Variants in PDE11A observed in about 807,000 individuals in gnomAD.
PDE11A encodes the protein phosphodiesterase 11A.
Under a neutral mutation model 100.5 loss-of-function variants are expected in PDE11A, and 100 were observed. The ratio of observed to expected loss-of-function variants is 1.00; its 90% CI spans 0.85 to 1.18. The LOEUF is 1.18. PDE11A is among the 50% of genes most tolerant of loss of function. The pLI is 0.00. For synonymous variants in PDE11A, 381 were observed against 420.8 expected, an observed-to-expected ratio of 0.91 and a Z score of 1.16; for missense variants, 1,141 against 1,152.6, an observed-to-expected ratio of 0.99 and a Z score of 0.15.
intron 6 of PDE11A, among the ~76,000 whole-genome samples, chr2:177,831,759 T>A (rs2083312068): frequency 1.3e-5 from 2 of 152,222 alleles, no homozygotes; most frequent in African/African-American, 2.4e-5. Flanking sequence ...GGGCTTAATA[T>A]GAACAAAAAC....
intron 5 of PDE11A, among the ~76,000 whole-genome samples, chr2:177,875,196 C>T (rs1260218734): frequency 6.6e-6 from 1 of 151,812 alleles, no homozygotes; most frequent in African/African-American, 2.4e-5. Flanking sequence ...TTCACTCTAG[C>T]CTGGGTGACA....
chr2:177,787,773 G>T (rs1034165473), intron 9 of PDE11A, among the ~76,000 whole-genome samples: 3 of 151,894 alleles, frequency 2.0e-5, no homozygotes, highest in Non-Finnish European at 4.4e-5. Context: ...AACCAACAAA[G>T]ATCAAAAGCG....
intron 5 of PDE11A, among the ~76,000 whole-genome samples, chr2:177,869,478 CT>C (rs1032222072): frequency 2.0e-5 from 3 of 152,186 alleles, no homozygotes; most frequent in African/African-American, 7.2e-5. Flanking sequence ...ATGTCTCCGA[CT>C]TTTCCCTTCT....
At chr2:177,763,065 C>T (rs1275089450) in intron 10 of PDE11A, among the ~76,000 whole-genome samples, 1 of 152,166 alleles carries the variant, frequency 6.6e-6, no homozygotes, top group Non-Finnish European at 1.5e-5. Flanking sequence ...ATACAGACAG[C>T]CGGACATTTG....
At chr2:177,923,575 C>G (rs1237478332) in intron 2 of PDE11A, among the ~76,000 whole-genome samples, 2 of 152,170 alleles carry the variant, frequency 1.3e-5, no homozygotes, top group Non-Finnish European at 2.9e-5. Flanking sequence ...AACCAATCCT[C>G]TAGTAGACTT....
intron 2 of PDE11A, among the ~76,000 whole-genome samples, chr2:178,092,313 T>C (rs1183185554): frequency 6.6e-6 from 1 of 152,178 alleles, no homozygotes; most frequent in East Asian, 1.9e-4. Context: ...TCCCCTTCCT[T>C]AGCATGCCAA....
chr2:178,082,424 A>T (rs977038279), intron 2 of PDE11A, among the ~76,000 whole-genome samples: 1 of 152,216 alleles, frequency 6.6e-6, no homozygotes, highest in Admixed American at 6.5e-5. Context: ...TGTCAACTAA[A>T]AAATGCCAGT....
At chr2:177,925,887 G>C (rs4423634) in intron 2 of PDE11A, among the ~76,000 whole-genome samples, 13,082 of 152,300 alleles carry the variant, frequency 0.086, 535 homozygotes, top group South Asian at 0.1. Flanking sequence ...ACTCGCTGGA[G>C]TTTTCAGGGG....
rs79375204 is a variant in PDE11A, at chr2:177,723,441, G to A, written c.2043+4217C>T. On this transcript the variant is annotated intron_variant, in intron 12 of 19. Transcript: ENST00000286063. ...AACTGCAATTCCCCACCAGCGCCAC[G>A]CTGCCTGCACCACCATAAATTTTAA... Among the ~76,000 whole-genome samples the A allele has an allele frequency of 4.7e-4, 71 of 152,132 alleles. No individual in the cohort carries two copies. The East Asian group carries it at 0.011, about 24-fold the overall frequency.
intron 1 of PDE11A, 91 bp downstream of exon 1, chr2:178,071,435 A>C (rs1449165836): frequency 4.5e-6 from 7 of 1,551,190 alleles, no homozygotes; most frequent in Non-Finnish European, 5.3e-6. Flanking sequence ...AAGAGCCTAA[A>C]TTAATGTGTT....
intron 4 of PDE11A, among the ~76,000 whole-genome samples, chr2:177,884,381 A>G (rs376519098): frequency 3.9e-5 from 6 of 152,254 alleles, no homozygotes; most frequent in African/African-American, 1.4e-4. Flanking sequence ...TTTCTTTGAG[A>G]TGTTCACCAT....
rs3067378 is a variant in PDE11A, at chr2:177,995,646, A to AC, written c.1071+18655dup. On this transcript the variant is annotated intron_variant, in intron 2 of 19. Transcript: ENST00000286063. ...TGACATTAAATACTCCACAAACACC[A>AC]CCCACCCCGCATCTGCTGTTTTAAC... Among the ~76,000 whole-genome samples, 1,314 of 147,662 alleles carry AC rather than the reference A, an allele frequency of 8.9e-3. 16 individuals carry two copies. Among genetic ancestry groups the AC allele is most frequent in the African/African-American group, 0.018 (724 of 40,068 alleles).
intron 5 of PDE11A, among the ~76,000 whole-genome samples, chr2:177,871,514 A>C (rs1213995769): frequency 6.7e-6 from 1 of 148,462 alleles, no homozygotes; most frequent in Non-Finnish European, 1.5e-5. Flanking sequence ...AGAAATGATG[A>C]GTCAGTAGTA....
intron 1 of PDE11A, among the ~76,000 whole-genome samples, chr2:178,036,281 T>C (rs2086612877): frequency 6.6e-6 from 1 of 151,964 alleles, no homozygotes; most frequent in Non-Finnish European, 1.5e-5. Context: ...ACGATTGCTA[T>C]AAAGAGAATA....
intron 18 of PDE11A, among the ~76,000 whole-genome samples, chr2:177,667,071 C>T (rs1370112310): frequency 6.6e-6 from 1 of 151,978 alleles, no homozygotes; most frequent in Non-Finnish European, 1.5e-5. Flanking sequence ...GTGCTTGCCA[C>T]CACACCTAAT....
intron 10 of PDE11A, among the ~76,000 whole-genome samples, chr2:177,763,632 C>G (rs1434366868): frequency 6.6e-6 from 1 of 152,148 alleles, no homozygotes; most frequent in Non-Finnish European, 1.5e-5. Flanking sequence ...CTCTGCCACC[C>G]CGCTGCTGTC....
chr2:177,723,345 T>A (rs2081556449), intron 12 of PDE11A: 1 of 152,128 alleles, frequency 6.6e-6, no homozygotes, highest in South Asian at 2.1e-4. Flanking sequence ...ACATTAAGAT[T>A]TAAGAAGCCC....
intron 2 of PDE11A, among the ~76,000 whole-genome samples, chr2:177,925,233 G>T (rs1218567016): frequency 6.6e-6 from 1 of 151,306 alleles, no homozygotes; most frequent in Non-Finnish European, 1.5e-5. Flanking sequence ...ATAGTCCTTT[G>T]GGTATATACC....
chr2:177,823,277 C>A (rs1574180364), intron 6 of PDE11A, among the ~76,000 whole-genome samples: 1 of 152,156 alleles, frequency 6.6e-6, no homozygotes, highest in East Asian at 1.9e-4. Context: ...TACTCACAGT[C>A]TAGGAAAGAT....
Sources: allele counts gnomAD v4.1 joint callset (sites outside exome capture counted in the v4.1 genomes callset), GRCh38; gene constraint gnomAD v4.1.1; transcripts MANE v1.5; gene names NCBI Gene and HGNC (gene_info 2026-07-23, HGNC 2026-07-21).